GATC: variants seen among roughly 807,000 people sequenced by gnomAD.
The protein encoded by GATC is glutamyl-tRNA amidotransferase subunit C.
Under a neutral mutation model 14.4 loss-of-function variants are expected in GATC, and 11 were observed. That is an observed-to-expected ratio of 0.77 (90% CI 0.48 to 1.27). The LOEUF (loss-of-function observed/expected upper bound fraction) is 1.27. Among genes scored for constraint, GATC ranks in the 50% most tolerant of loss-of-function variants. The pLI, the probability that GATC is intolerant of heterozygous loss-of-function variation, is 0.00. For missense variants in GATC, 204 were observed against 183.0 expected (o/e 1.11, Z -0.66); for synonymous variants, 76 against 79.3 (o/e 0.96, Z 0.22).
chr12:120,452,329 T>C (rs995170586), intron 2 of GATC, among the ~76,000 whole-genome samples: 2 of 152,226 alleles, frequency 1.3e-5, no homozygotes, highest in Admixed American at 6.5e-5. Context: ...GAGCTTCTGC[T>C]GCCAAATACT....
At chr12:120,456,914 C>T (rs1428158014) in intron 2 of GATC, among the ~76,000 whole-genome samples, 162 bp from the exon 3 acceptor site, 1 of 152,196 alleles carries the variant, frequency 6.6e-6, no homozygotes, top group African/African-American at 2.4e-5. Context: ...AAACTGTAGG[C>T]TGTTATTTGG....
chr12:120,459,330 C>A (rs1032546772), intron 3 of GATC, among the ~76,000 whole-genome samples: 1 of 152,150 alleles, frequency 6.6e-6, no homozygotes, highest in Non-Finnish European at 1.5e-5. Flanking sequence ...CTTTTTGGGA[C>A]CACCTGAGTT....
At chr12:120,449,647 A>G (rs1359627857) in intron 2 of GATC, among the ~76,000 whole-genome samples, 2 of 151,714 alleles carry the variant, frequency 1.3e-5, no homozygotes, top group African/African-American at 4.8e-5. Flanking sequence ...GGGTTTCACC[A>G]TGTTGGCAAG....
intron 2 of GATC, among the ~76,000 whole-genome samples, chr12:120,455,880 G>T (rs1878171311): frequency 6.6e-6 from 1 of 152,096 alleles, no homozygotes; most frequent in East Asian, 1.9e-4. Context: ...TAGAGATGGG[G>T]TTTCACCGTG....
intron 2 of GATC, among the ~76,000 whole-genome samples, chr12:120,448,642 C>CTT (rs71451885): frequency 0.094 from 8,209 of 87,422 alleles, 797 homozygotes; most frequent in Non-Finnish European, 0.11. Flanking sequence ...AAGTCCATTC[C>CTT]TTTTTTTTTT....
chr12:120,446,599 G>T, intron 1 of GATC, 38 bp downstream of exon 1: 1 of 1,591,082 alleles, frequency 6.3e-7, no homozygotes. Context: ...GGCGGAGCAA[G>T]CCGGGAGGCA....
intron 2 of GATC, among the ~76,000 whole-genome samples, chr12:120,451,630 T>C (rs1430463525): frequency 6.6e-6 from 1 of 151,252 alleles, no homozygotes; most frequent in Non-Finnish European, 1.5e-5. Flanking sequence ...TAGTCCTAGC[T>C]GTTCGGGAGG....
chr12:120,447,912 C>T (rs1877921415), intron 2 of GATC, among the ~76,000 whole-genome samples: 1 of 151,950 alleles, frequency 6.6e-6, no homozygotes, highest in Non-Finnish European at 1.5e-5. Flanking sequence ...TGCCACTTGG[C>T]CTGGCTAATT....
chr12:120,448,778 T>G (rs2137038006), intron 2 of GATC, among the ~76,000 whole-genome samples: 1 of 150,070 alleles, frequency 6.7e-6, no homozygotes, highest in East Asian at 2.0e-4. Context: ...CCCGAGTAGC[T>G]GGGACTACAG....
intron 3 of GATC, among the ~76,000 whole-genome samples, chr12:120,459,138 T>C (rs1331206764): frequency 2.0e-5 from 3 of 152,060 alleles, no homozygotes; most frequent in Non-Finnish European, 4.4e-5. Context: ...GGATTACAGG[T>C]GTGAGCCACC....
At chr12:120,449,736 C>T (rs1171186031) in intron 2 of GATC, among the ~76,000 whole-genome samples, 2 of 151,724 alleles carry the variant, frequency 1.3e-5, no homozygotes, top group Non-Finnish European at 2.9e-5. Context: ...CTTGAGCTGC[C>T]GTGCCCGGCC....
chr12:120,455,355 G>A (rs539394124), intron 2 of GATC, among the ~76,000 whole-genome samples: 1 of 152,074 alleles, frequency 6.6e-6, no homozygotes, highest in Non-Finnish European at 1.5e-5. Flanking sequence ...TTTTAGTAGA[G>A]ATGTGGTTTC....
chr12:120,459,158 C>T (rs763846157), intron 3 of GATC, among the ~76,000 whole-genome samples: 35 of 152,154 alleles, frequency 2.3e-4, no homozygotes, highest in African/African-American at 8.0e-4. Context: ...CGCACCCGGC[C>T]GTGAGCTAAA....
At chr12:120,458,750 T>C (rs1878249556) in intron 3 of GATC, among the ~76,000 whole-genome samples, 2 of 152,200 alleles carry the variant, frequency 1.3e-5, no homozygotes, top group Non-Finnish European at 2.9e-5. Context: ...GGGAGAATCA[T>C]TCTGAGCAGA....
At chr12:120,447,076 GT>G (rs1251839333) in intron 2 of GATC, among the ~76,000 whole-genome samples, 5 of 128,684 alleles carry the variant, frequency 3.9e-5, no homozygotes, top group African/African-American at 1.6e-4. Flanking sequence ...TTGTTTGTTT[GT>G]TTTGTTTTTT....
In GATC at chr12:120,462,181, CAA is replaced by C. The variant is rs751660494; in HGVS notation, c.*2226_*2227del. 1.2e-4 allele frequency: 186 copies of C among 1,591,078 alleles called. No individual in the cohort carries two copies. The African/African-American group carries it at 1.7e-3, about 14-fold the overall frequency. The stretch of plus-strand genomic sequence containing the variant: ...TTTCACCCTGAAATGCAAACAAAAA[CAA>C]AAAGAGTAAAGGGGAAAAAAATCAG... On this transcript the variant is annotated 3_prime_UTR_variant, in exon 4 of 4. Transcript: ENST00000551765.
In GATC at chr12:120,451,654, A is replaced by C. The variant is rs1189964595; in HGVS notation, c.254+4825A>C. Among the ~76,000 whole-genome samples, 14 of 150,426 alleles carry C rather than the reference A, an allele frequency of 9.3e-5. No individual in the cohort carries two copies. In the Admixed American group the frequency reaches 9.3e-4, roughly 10 times the overall value. On this transcript the variant is annotated intron_variant, in intron 2 of 3. Coordinates refer to ENST00000551765, the MANE Select transcript of GATC (RefSeq NM_176818.3). ...CTGTTCGGGAGGCTGAGACAGAAGA[A>C]TTGCTTGAACCTGGGGAGCAGAGGT...
In GATC at chr12:120,457,083, T is replaced by C. The variant is rs374907453; in HGVS notation, c.262T>C (p.Tyr88His). Residue 88 changes from tyrosine to histidine, a missense_variant, in exon 3 of 4, where the codon TAC becomes CAC. By Grantham distance (83) the Tyr-to-His change is moderately conservative (BLOSUM62 2). Coordinates refer to ENST00000551765, the MANE Select transcript of GATC (RefSeq NM_176818.3). ...MESVLEDRCLYLRSDNVVEGN... is the reference protein window; with the variant it reads ...MESVLEDRCLHLRSDNVVEGN... ...AGCTTCTGGGTTTTGTAGATGTCTA[T>C]ACCTGAGATCCGACAATGTGGTAGA... 2.5e-6 allele frequency: 4 copies of C among 1,612,412 alleles called. No homozygotes were observed. The highest frequency in any genetic ancestry group is 1.3e-5 in the African/African-American group (1 of 74,874).
At position 120,460,974 on chromosome 12, in the gene GATC, C is replaced by A. The variant is rs1309608672; in HGVS notation, c.*1015C>A. On this transcript the variant is annotated 3_prime_UTR_variant, in exon 4 of 4. Coordinates refer to ENST00000551765, the MANE Select transcript of GATC (RefSeq NM_176818.3). ...AAGCCGAGATCGCACCACTGCACTC[C>A]AGCCTGGGCGACAGAGCAAGTCTCA... 1 of 145,090 alleles carries A rather than the reference C, an allele frequency of 6.9e-6. No individual in the cohort carries two copies. The highest frequency in any genetic ancestry group is 2.0e-4 in the East Asian group (1 of 4,930). The allele number at this position is 145,090 out of a possible 1,614,324, so 9.0% of individuals were successfully genotyped here.
Sources: allele counts gnomAD v4.1 joint callset (sites outside exome capture counted in the v4.1 genomes callset), GRCh38; gene constraint gnomAD v4.1.1; transcripts MANE v1.5; gene names NCBI Gene and HGNC (gene_info 2026-07-23, HGNC 2026-07-21).